The following MBTPS2 variants were observed in gnomAD, a reference collection of about 807,000 sequenced individuals.
MBTPS2 encodes the protein membrane bound transcription factor peptidase, site 2.
In MBTPS2, 2 loss-of-function variants were observed where a neutral mutation model predicts 35.4. The observed-to-expected ratio is 0.06, with a 90% CI of 0.02 to 0.18. The LOEUF (loss-of-function observed/expected upper bound fraction) is 0.18, where lower values mean the gene tolerates loss of function less well. MBTPS2 is among the 10% of genes least tolerant of loss of function. MBTPS2 has a pLI of 1.00. For synonymous variants in MBTPS2, 125 were observed against 140.4 expected (o/e 0.89, Z 0.77); for missense variants, 244 against 386.5 (o/e 0.63, Z 3.09).
intron 5 of MBTPS2, chrX:21,856,293 GCAGCTCGCGCCTTTCT>G: frequency 1.1e-5 from 3 of 266,353 alleles, no homozygotes; most frequent in South Asian, 5.0e-5. Flanking sequence ...GCCTTTCTCT[GCAGCTCGCGCCTTTCT>G]CTGCAGCTCG....
At chrX:21,850,026 C>CAAAAA (rs757928757) in intron 3 of MBTPS2, among the ~76,000 whole-genome samples, 4 of 27,430 alleles carry the variant, frequency 1.5e-4, no homozygotes, top group African/African-American at 4.3e-4. Context: ...GACTCCGTCT[C>CAAAAA]AAAAAAAAAA....
At chrX:21,866,328 AAAC>A (rs1199969854) in intron 5 of MBTPS2, among the ~76,000 whole-genome samples, 2 of 111,382 alleles carry the variant, frequency 1.8e-5, no homozygotes, top group Non-Finnish European at 3.8e-5. Flanking sequence ...CTATAAGACC[AAAC>A]AGGAAGGAAA....
intron 3 of MBTPS2, among the ~76,000 whole-genome samples, chrX:21,847,399 T>G (rs1297758592): frequency 8.9e-6 from 1 of 112,024 alleles, no homozygotes; most frequent in Non-Finnish European, 1.9e-5. Context: ...TAACATACTT[T>G]CTGTTTACTC....
chrX:21,862,817 CAAAAAACATATATATAT>C (rs1453352308), intron 5 of MBTPS2, among the ~76,000 whole-genome samples: 4 of 87,984 alleles, frequency 4.5e-5, no homozygotes, highest in South Asian at 5.2e-4. Context: ...TCTCAAAAAA[CAAAAAACATATATATAT>C]AAAAAACATA....
intron 3 of MBTPS2, 34 bp downstream of exon 3, chrX:21,845,418 G>A (rs1225976884): frequency 3.5e-6 from 4 of 1,143,950 alleles, no homozygotes; most frequent in African/African-American, 1.8e-5. Context: ...AATAACTATC[G>A]AAATAGAGAT....
At chrX:21,867,164 A>C (rs1232092982) in intron 5 of MBTPS2, among the ~76,000 whole-genome samples, 2 of 112,525 alleles carry the variant, frequency 1.8e-5, no homozygotes, top group Non-Finnish European at 3.8e-5. Flanking sequence ...TAAATACTGA[A>C]ATATTACTAC....
In MBTPS2 at chrX:21,843,722, A is replaced by G. The variant is rs763889094; in HGVS notation, c.224+404A>G. Among the ~76,000 whole-genome samples, 125 of 112,263 alleles carry G rather than the reference A, an allele frequency of 1.1e-3. 1 individual carries two copies. Among genetic ancestry groups the G allele is most frequent in the African/African-American group, 3.8e-3 (118 of 30,951 alleles). On this transcript the variant is annotated intron_variant, in intron 2 of 10. Coordinates refer to ENST00000379484, the MANE Select transcript of MBTPS2 (RefSeq NM_015884.4). ...AATGCAATAGCAGATCAAAGCATAC[A>G]AAGTGGAAAGAAGGATATAATAAAG...
intron 5 of MBTPS2, chrX:21,857,321 G>T: frequency 8.3e-7 from 1 of 1,212,013 alleles, no homozygotes. Context: ...ACATCCACGG[G>T]CCCAGAGTCC....
chrX:21,858,135 A>G (rs2092926148), intron 5 of MBTPS2: 1 of 124,771 alleles, frequency 8.0e-6, no homozygotes, highest in Non-Finnish European at 1.9e-5. Flanking sequence ...TGCTTAAAAA[A>G]GTTATATAGG....
intron 5 of MBTPS2, among the ~76,000 whole-genome samples, chrX:21,868,200 G>A (rs2092942820): frequency 9.0e-6 from 1 of 111,568 alleles, no homozygotes; most frequent in African/African-American, 3.3e-5. Context: ...ATTAGTGGAA[G>A]ATATTAGTTC....
intron 5 of MBTPS2, among the ~76,000 whole-genome samples, chrX:21,864,175 TC>T (rs1344442198): frequency 8.9e-6 from 1 of 112,846 alleles, no homozygotes; most frequent in Non-Finnish European, 1.9e-5. Flanking sequence ...TCTTCCCACT[TC>T]CATGTAAAAA....
intron 5 of MBTPS2, among the ~76,000 whole-genome samples, chrX:21,854,706 G>A (rs751766905): frequency 6.1e-4 from 68 of 111,969 alleles, no homozygotes; most frequent in Admixed American, 5.3e-3. Context: ...AAAGACTCAC[G>A]CTTTAATACA....
chrX:21,884,623 C>T lies in MBTPS2; in HGVS notation c.*1968C>T. 2.7e-6 allele frequency: 2 copies of T among 753,717 alleles called. No homozygotes were observed. Among genetic ancestry groups the T allele is most frequent in the Non-Finnish European group, 3.1e-6 (2 of 639,027 alleles). The allele number at this position is 753,717 out of a possible 1,213,427, so 62.1% of individuals were successfully genotyped here. A position where few individuals can be genotyped will look rare whatever the true frequency, so the allele number is the denominator to read the frequency against. ...CAGATCAGTACCATTTGTATAAAACCGGCCTCATTATGTAAGAAAGAAAAT... is the reference window on the plus strand; with the variant it reads ...CAGATCAGTACCATTTGTATAAAACTGGCCTCATTATGTAAGAAAGAAAAT... On this transcript the variant is annotated 3_prime_UTR_variant, in exon 11 of 11. Transcript: ENST00000379484.
In MBTPS2 at chrX:21,860,135, G is replaced by A. The variant is rs2092929631; in HGVS notation, c.670+6632G>A. On this transcript the variant is annotated intron_variant, in intron 5 of 10. Coordinates refer to ENST00000379484, the MANE Select transcript of MBTPS2 (RefSeq NM_015884.4). ...AGAAAAAGGGGCAGAGGGGCTGGGC[G>A]CAGGGCTCCTGCCTGTAATCCCAGC... Among the ~76,000 whole-genome samples, 5 of 110,553 alleles carry A rather than the reference G, an allele frequency of 4.5e-5. No homozygotes were observed. The Admixed American group carries it at 4.7e-4, about 10-fold the overall frequency.
rs748678625 is a variant in MBTPS2 at position 21,839,753 on chromosome X, G to C, written c.19G>C (p.Val7Leu). The C allele has an allele frequency of 2.0e-5, 23 of 1,157,627 alleles. No homozygotes were observed. In the East Asian group the frequency reaches 6.6e-4, roughly 33 times the overall value. Residue 7 changes from valine (V) to leucine (L), a missense_variant, in exon 1 of 11, where the codon GTG (valine) becomes CTG (leucine). Physicochemically the swap from Val to Leu is conservative, Grantham distance 32. Coordinates refer to ENST00000379484, the MANE Select transcript of MBTPS2 (RefSeq NM_015884.4). MIPVSLVVVVVGGWTVV... is the reference protein window; with the variant it reads MIPVSLLVVVVGGWTVV... ...TGCCGCCATGATTCCGGTGTCGCTG[G>C]TGGTGGTGGTGGTGGGTGGCTGGAC...
chrX:21,856,221 G>C (rs986654522), intron 5 of MBTPS2: 3 of 355,037 alleles, frequency 8.4e-6, no homozygotes, highest in African/African-American at 2.6e-5. Context: ...TTGCCTAGGC[G>C]CATGCGTCTG....
intron 1 of MBTPS2, among the ~76,000 whole-genome samples, chrX:21,841,359 TA>T (rs11310975): frequency 0.45 from 49,112 of 110,015 alleles, 8,092 homozygotes; most frequent in East Asian, 0.59. Context: ...AGTCAGAGGT[TA>T]ACAATGAAAC....
intron 2 of MBTPS2, among the ~76,000 whole-genome samples, chrX:21,844,109 C>CAAATAAATAAAT (rs57351369): frequency 2.1e-5 from 2 of 96,468 alleles, no homozygotes; most frequent in Middle Eastern, 5.1e-3. Flanking sequence ...GACCCTATCT[C>CAAATAAATAAAT]AAATAAATAA....
In MBTPS2 at chrX:21,882,731, T is replaced by C; in HGVS notation, c.*76T>C. The C allele has an allele frequency of 8.4e-7, 1 of 1,196,052 alleles. No individual in the cohort carries two copies. The highest frequency in any genetic ancestry group is 1.1e-6 in the Non-Finnish European group (1 of 885,743). ...GTAATATTCATTGCCATTGAAATTC[T>C]TACTTGGTATGAAATATAAAGTGTT... is the stretch of plus-strand genomic sequence containing the variant. On this transcript the variant is annotated 3_prime_UTR_variant, in exon 11 of 11. Coordinates refer to ENST00000379484, the MANE Select transcript of MBTPS2 (RefSeq NM_015884.4).
Sources: allele counts gnomAD v4.1 joint callset (sites outside exome capture counted in the v4.1 genomes callset), GRCh38; gene constraint gnomAD v4.1.1; transcripts MANE v1.5; gene names NCBI Gene and HGNC (gene_info 2026-07-23, HGNC 2026-07-21).